Variants in ADAM32 observed in about 807,000 individuals in gnomAD.
The protein encoded by ADAM32 is ADAM metallopeptidase domain 32, also known as disintegrin and metalloproteinase domain-containing protein 32.
ADAM32 carries 89 observed loss-of-function variants against 114.9 expected under a neutral mutation model. The observed-to-expected ratio is 0.77, with a 90% confidence interval of 0.65 to 0.92. The LOEUF is 0.92. Among genes scored for constraint, ADAM32 ranks in the 40% least tolerant of loss-of-function variants. The pLI is 0.00. For missense variants in ADAM32, 870 were observed against 932.8 expected, an observed-to-expected ratio of 0.93 and a Z score of 0.88; for synonymous variants, 285 against 307.5, an observed-to-expected ratio of 0.93 and a Z score of 0.77.
At chr8:39,276,020 G>A (rs1260266329) in intron 22 of ADAM32, 154 bp downstream of exon 22, 4 of 557,846 alleles carry the variant, frequency 7.2e-6, no homozygotes, top group Non-Finnish European at 1.2e-5. Flanking sequence ...TGCTGATCTA[G>A]TAACTTGCGA....
At chr8:39,230,485 T>C (rs1169492327) in intron 14 of ADAM32, among the ~76,000 whole-genome samples, 3 of 152,188 alleles carry the variant, frequency 2.0e-5, no homozygotes. Flanking sequence ...AACATATTCT[T>C]TACATTATCT....
chr8:39,259,991 C>A (rs532517421), intron 19 of ADAM32, among the ~76,000 whole-genome samples: 11 of 152,266 alleles, frequency 7.2e-5, no homozygotes, highest in Middle Eastern at 3.4e-3. Flanking sequence ...TCATGTGATT[C>A]GTACCAACAC....
intron 1 of ADAM32, 165 bp downstream of exon 1, chr8:39,107,998 T>A: frequency 1.1e-6 from 1 of 933,778 alleles, no homozygotes; most frequent in Non-Finnish European, 1.5e-6. Context: ...GAGAAGCGAC[T>A]CAGGGCCCAG....
At chr8:39,116,859 T>C (rs779765796) in intron 1 of ADAM32, among the ~76,000 whole-genome samples, 11 of 151,926 alleles carry the variant, frequency 7.2e-5, no homozygotes, top group Non-Finnish European at 1.5e-4. Context: ...TTCAGTATGA[T>C]GTTAGTTGTG....
intron 10 of ADAM32, among the ~76,000 whole-genome samples, chr8:39,182,416 T>G (rs1335631130): frequency 6.6e-6 from 1 of 152,246 alleles, no homozygotes; most frequent in African/African-American, 2.4e-5. Context: ...CATATAAAAT[T>G]GTCTGCCTTT....
chr8:39,190,458 A>T (rs1408321892), intron 11 of ADAM32, among the ~76,000 whole-genome samples: 4 of 152,202 alleles, frequency 2.6e-5, no homozygotes, highest in Admixed American at 2.6e-4. Flanking sequence ...TAGTTTTTTG[A>T]GAAACCTCCA....
chr8:39,192,387 T>C (rs903094033), intron 11 of ADAM32, among the ~76,000 whole-genome samples: 1 of 152,220 alleles, frequency 6.6e-6, no homozygotes, highest in Non-Finnish European at 1.5e-5. Context: ...TCCATTCTTT[T>C]ATTTTGAGCC....
chr8:39,232,559 T>G (rs1809814698), intron 15 of ADAM32, among the ~76,000 whole-genome samples: 1 of 152,194 alleles, frequency 6.6e-6, no homozygotes. Flanking sequence ...AGGACCCTAC[T>G]ATATGCCAGA....
intron 15 of ADAM32, 125 bp downstream of exon 15, chr8:39,232,260 A>G (rs1809791421): frequency 3.1e-6 from 2 of 650,630 alleles, no homozygotes; most frequent in Non-Finnish European, 2.4e-6. Flanking sequence ...GTGAACCTCA[A>G]ATCAAAATCC....
intron 11 of ADAM32, among the ~76,000 whole-genome samples, chr8:39,208,578 T>C (rs2129448231): frequency 6.6e-6 from 1 of 152,276 alleles, no homozygotes; most frequent in South Asian, 2.1e-4. Flanking sequence ...TTTCTTATGG[T>C]TTGGTGGTGA....
rs1371423135 is a variant in ADAM32, at chr8:39,107,756, G to C, written c.-20G>C. On this transcript the variant is annotated 5_prime_UTR_variant, in exon 1 of 25. Coordinates refer to ENST00000379907, the MANE Select transcript of ADAM32 (RefSeq NM_145004.7). The stretch of plus-strand genomic sequence containing the variant: ...CCCGACTTCCCAACGGCTTCCCGCT[G>C]GCAGCCCCGAAGCCGCACCATGTTC... 6.5e-7 allele frequency: 1 copy of C among 1,550,318 alleles called. No homozygotes were observed. The highest frequency in any genetic ancestry group is 1.2e-5 in the South Asian group (1 of 84,026).
At chr8:39,201,154 T>G (rs1807372715) in intron 11 of ADAM32, among the ~76,000 whole-genome samples, 1 of 152,198 alleles carries the variant, frequency 6.6e-6, no homozygotes, top group Non-Finnish European at 1.5e-5. Flanking sequence ...TTTCCATTTC[T>G]GTGAAGAAAG....
intron 9 of ADAM32, 104 bp downstream of exon 9, chr8:39,165,300 G>C: frequency 1.1e-6 from 1 of 928,592 alleles, no homozygotes; most frequent in South Asian, 2.5e-5. Flanking sequence ...TCCATGCTTT[G>C]ATTATTTAGT....
intron 2 of ADAM32, among the ~76,000 whole-genome samples, chr8:39,132,937 GT>G (rs1190169132): frequency 6.6e-6 from 1 of 151,948 alleles, no homozygotes; most frequent in Non-Finnish European, 1.5e-5. Flanking sequence ...ATGTATCTTG[GT>G]GTGTATCTTC....
intron 3 of ADAM32, among the ~76,000 whole-genome samples, chr8:39,139,576 A>G (rs1181510465): frequency 1.3e-5 from 2 of 152,314 alleles, no homozygotes; most frequent in South Asian, 2.1e-4. Context: ...TGGTTACTGT[A>G]GCCTTGTAGT....
chr8:39,221,354 T>C, intron 12 of ADAM32: 1 of 353,624 alleles, frequency 2.8e-6, no homozygotes, highest in Non-Finnish European at 5.1e-6. Context: ...TTATCCATTC[T>C]GACATTCTCC....
intron 14 of ADAM32, among the ~76,000 whole-genome samples, chr8:39,231,783 C>G (rs1809749409): frequency 6.6e-6 from 1 of 152,110 alleles, no homozygotes; most frequent in Non-Finnish European, 1.5e-5. Flanking sequence ...GTTGACACTT[C>G]TATACCATCT....
chr8:39,203,350 C>A (rs1347274981), intron 11 of ADAM32, among the ~76,000 whole-genome samples: 1 of 152,244 alleles, frequency 6.6e-6, no homozygotes, highest in Middle Eastern at 3.4e-3. Context: ...GGATAGTTAG[C>A]TCTTCTTGTT....
chr8:39,115,677 G>A (rs1463948567), intron 1 of ADAM32, among the ~76,000 whole-genome samples: 1 of 150,430 alleles, frequency 6.6e-6, no homozygotes, highest in Non-Finnish European at 1.5e-5. Flanking sequence ...GATATTTTCT[G>A]CATTCTGCAG....
Sources: allele counts gnomAD v4.1 joint callset (sites outside exome capture counted in the v4.1 genomes callset), GRCh38; gene constraint gnomAD v4.1.1; transcripts MANE v1.5; gene names NCBI Gene and HGNC (gene_info 2026-07-23, HGNC 2026-07-21).